Variants in CHST11 observed in about 807,000 individuals in gnomAD.
The protein encoded by CHST11 is C4S-1.
Under a neutral mutation model 30.4 loss-of-function variants are expected in CHST11, and 9 were observed. That is an observed-to-expected ratio of 0.30 (90% CI 0.18 to 0.52). The LOEUF is 0.52. Ranked by LOEUF, CHST11 falls within the 20% of genes least tolerant of loss-of-function variation. The pLI, the probability that CHST11 is intolerant of heterozygous loss-of-function variation, is 0.97. For missense variants in CHST11, 348 were observed against 460.6 expected (o/e 0.76, Z 2.24); for synonymous variants, 152 against 187.8 (o/e 0.81, Z 1.56).
At chr12:104,694,820 C>T (rs1483055596) in intron 2 of CHST11, among the ~76,000 whole-genome samples, 2 of 152,214 alleles carry the variant, frequency 1.3e-5, no homozygotes, top group Admixed American at 1.3e-4. Context: ...GGCATCAGAA[C>T]TTTATGCCTG....
At chr12:104,737,749 A>T (rs569874109) in intron 2 of CHST11, among the ~76,000 whole-genome samples, 5 of 152,322 alleles carry the variant, frequency 3.3e-5, no homozygotes, top group Admixed American at 2.6e-4. Context: ...TTTCAGAAAT[A>T]GAGGAGGGAG....
At chr12:104,471,268 A>T (rs1000426454) in intron 1 of CHST11, among the ~76,000 whole-genome samples, 8 of 152,200 alleles carry the variant, frequency 5.3e-5, no homozygotes, top group Admixed American at 2.0e-4. Flanking sequence ...AACATCTCCA[A>T]TAGAGCCTGG....
intron 1 of CHST11, among the ~76,000 whole-genome samples, chr12:104,502,826 A>C (rs1162458912): frequency 6.6e-6 from 1 of 152,222 alleles, no homozygotes; most frequent in African/African-American, 2.4e-5. Flanking sequence ...GGAGAGGAGA[A>C]TTCAGAGGCA....
In CHST11 at chr12:104,654,928, A is replaced by G. The variant is rs907221622; in HGVS notation, c.204+52937A>G. 1.9e-4 allele frequency among the ~76,000 whole-genome samples: 29 copies of G among 151,766 alleles called. 3 individuals are homozygous for G. The highest frequency in any genetic ancestry group is 9.2e-4 in the Admixed American group (14 of 15,222). The stretch of plus-strand genomic sequence containing the variant: ...GGAGTGGTCATAGCATCCTCATTAT[A>G]ATGACTGAATGAAAGAAACTTGAAG... On this transcript the variant is annotated intron_variant, in intron 2 of 2. Transcript: ENST00000303694.
chr12:104,529,522 T>G (rs763371017), intron 1 of CHST11, among the ~76,000 whole-genome samples: 6 of 152,180 alleles, frequency 3.9e-5, no homozygotes, highest in Non-Finnish European at 8.8e-5. Flanking sequence ...TGTAAATTGA[T>G]TTCTCCGTGA....
Position 104,457,372 on chromosome 12 carries a change from G to A in CHST11, c.-40G>A. The A allele has an allele frequency of 6.6e-7, 1 of 1,513,336 alleles. No individual in the cohort carries two copies. The highest frequency in any genetic ancestry group is 9.2e-7 in the Non-Finnish European group (1 of 1,092,720). The allele number at this position is 1,513,336 out of a possible 1,614,324, so 93.7% of individuals were successfully genotyped here. On this transcript the variant is annotated 5_prime_UTR_variant, in exon 1 of 3. Transcript: ENST00000303694. ...GTCCCTGCTCCTGCGCCCCGGGCGC[G>A]CTTCCCGGACACCCCGGTCCCCGCA...
In CHST11 at chr12:104,760,535, A is replaced by G. The variant is rs1170242082; in HGVS notation, c.*2732A>G. ...TTGATGAGTGCTTCTTCAGTTTCATAGTTTGGAATCGTTCACTGTGTGCTT... is the reference window on the plus strand; with the variant it reads ...TTGATGAGTGCTTCTTCAGTTTCATGGTTTGGAATCGTTCACTGTGTGCTT... On this transcript the variant is annotated 3_prime_UTR_variant, in exon 3 of 3. Coordinates refer to ENST00000303694, the MANE Select transcript of CHST11 (RefSeq NM_018413.6). The G allele has an allele frequency of 2.0e-5, 3 of 152,186 alleles. No individual in the cohort carries two copies. Among genetic ancestry groups the G allele is most frequent in the Non-Finnish European group, 4.4e-5 (3 of 68,044 alleles). The allele number at this position is 152,186 out of a possible 1,614,324, so 9.4% of individuals were successfully genotyped here. A position where few individuals can be genotyped will look rare whatever the true frequency, so the allele number is the denominator to read the frequency against.
chr12:104,725,760 T>C (rs532344037), intron 2 of CHST11, among the ~76,000 whole-genome samples: 1 of 151,926 alleles, frequency 6.6e-6, no homozygotes, highest in Non-Finnish European at 1.5e-5. Flanking sequence ...ACACCAGGGA[T>C]TGGTTTTCTT....
chr12:104,637,776 C>T (rs2039339494), intron 2 of CHST11, among the ~76,000 whole-genome samples: 1 of 152,160 alleles, frequency 6.6e-6, no homozygotes, highest in Non-Finnish European at 1.5e-5. Flanking sequence ...ACCTTCAACC[C>T]ATCTGGTCAC....
chr12:104,496,835 C>T (rs1469755384), intron 1 of CHST11, among the ~76,000 whole-genome samples: 1 of 151,896 alleles, frequency 6.6e-6, no homozygotes, highest in East Asian at 1.9e-4. Context: ...TTTTGAGGAT[C>T]GTGGAACTGA....
intron 1 of CHST11, among the ~76,000 whole-genome samples, chr12:104,482,880 C>A (rs564142549): frequency 6.6e-6 from 1 of 152,128 alleles, no homozygotes; most frequent in Non-Finnish European, 1.5e-5. Context: ...AGTGGCTTCA[C>A]GTCTGAAGTC....
intron 1 of CHST11, among the ~76,000 whole-genome samples, chr12:104,537,662 G>A (rs1371736763): frequency 6.8e-6 from 1 of 147,514 alleles, no homozygotes; most frequent in Non-Finnish European, 1.5e-5. Context: ...AGATAATATA[G>A]TTTTCATCTG....
In CHST11 at chr12:104,657,009, C is replaced by CTT. The variant is rs11431861; in HGVS notation, c.204+55029_204+55030dup. Among the ~76,000 whole-genome samples, 239 of 148,792 alleles carry CTT rather than the reference C, an allele frequency of 1.6e-3. 6 individuals carry two copies. The highest frequency in any genetic ancestry group is 4.2e-3 in the African/African-American group (171 of 40,460). ...AGGCATCGTCTGATCAAACTTCATC[C>CTT]TTTTTTTTTTTTAAATTGATGAAGA... is the stretch of plus-strand genomic sequence containing the variant. On this transcript the variant is annotated intron_variant, in intron 2 of 2. Coordinates refer to ENST00000303694, the MANE Select transcript of CHST11 (RefSeq NM_018413.6).
At chr12:104,568,605 A>G (rs1056313186) in intron 1 of CHST11, among the ~76,000 whole-genome samples, 4 of 152,204 alleles carry the variant, frequency 2.6e-5, no homozygotes, top group Admixed American at 2.6e-4. Flanking sequence ...GACCTCCCCT[A>G]GAGATACAAT....
intron 1 of CHST11, among the ~76,000 whole-genome samples, chr12:104,513,626 A>G (rs1230482794): frequency 1.3e-5 from 2 of 152,158 alleles, no homozygotes; most frequent in South Asian, 2.1e-4. Context: ...TTCTTTCTCC[A>G]AGGCAAGTTG....
chr12:104,499,126 A>G (rs1244720076), intron 1 of CHST11, among the ~76,000 whole-genome samples: 1 of 152,176 alleles, frequency 6.6e-6, no homozygotes, highest in Admixed American at 6.5e-5. Context: ...TTCAGTTCAC[A>G]TGGATCCCAG....
chr12:104,646,730 A>T (rs1042933150), intron 2 of CHST11, among the ~76,000 whole-genome samples: 2 of 152,062 alleles, frequency 1.3e-5, no homozygotes, highest in African/African-American at 4.8e-5. Flanking sequence ...TTTCCTTTGC[A>T]CCCCTCTCCC....
At chr12:104,571,267 G>A (rs1274272122) in intron 1 of CHST11, among the ~76,000 whole-genome samples, 4 of 151,650 alleles carry the variant, frequency 2.6e-5, no homozygotes, top group African/African-American at 9.7e-5. Context: ...GGGTTCAAGC[G>A]ATTCTCCCAC....
At chr12:104,715,035 T>G (rs2040119471) in intron 2 of CHST11, among the ~76,000 whole-genome samples, 1 of 152,188 alleles carries the variant, frequency 6.6e-6, no homozygotes, top group Non-Finnish European at 1.5e-5. Flanking sequence ...ATGGGCAAGT[T>G]CTGGCTCCTG....
Sources: allele counts gnomAD v4.1 joint callset (sites outside exome capture counted in the v4.1 genomes callset), GRCh38; gene constraint gnomAD v4.1.1; transcripts MANE v1.5; gene names NCBI Gene and HGNC (gene_info 2026-07-23, HGNC 2026-07-21).